The following TMEM108 variants were observed in gnomAD, a reference collection of about 807,000 sequenced individuals.
The protein encoded by TMEM108 is transmembrane protein 108.
A neutral mutation model predicts 35.1 loss-of-function variants in TMEM108; 12 were observed. The observed-to-expected ratio is 0.34, with a 90% CI of 0.22 to 0.55. The LOEUF (loss-of-function observed/expected upper bound fraction) is 0.55, where lower values mean the gene tolerates loss of function less well. TMEM108 is among the 20% of genes least tolerant of loss of function. The pLI is 0.89. For missense variants in TMEM108, 680 were observed against 753.3 expected (o/e 0.90, Z 1.14); for synonymous variants, 287 against 308.6 (o/e 0.93, Z 0.73).
chr3:133,221,780 T>G (rs996268230), intron 2 of TMEM108, among the ~76,000 whole-genome samples: 1 of 150,268 alleles, frequency 6.7e-6, no homozygotes, highest in Non-Finnish European at 1.5e-5. Flanking sequence ...GATAACAACT[T>G]AACTTTGATT....
At chr3:133,167,529 C>G (rs1945059958) in intron 2 of TMEM108, among the ~76,000 whole-genome samples, 1 of 152,254 alleles carries the variant, frequency 6.6e-6, no homozygotes, top group African/African-American at 2.4e-5. Context: ...GGTCCCAAGC[C>G]CTGCCCCGCG....
At chr3:133,105,122 C>G (rs1944134083) in intron 2 of TMEM108, among the ~76,000 whole-genome samples, 1 of 152,188 alleles carries the variant, frequency 6.6e-6, no homozygotes, top group Non-Finnish European at 1.5e-5. Flanking sequence ...TCACAGTTCT[C>G]TAGGTCAGAA....
chr3:133,386,638 T>G (rs2073154461), intron 4 of TMEM108: 1 of 1,418,476 alleles, frequency 7.0e-7, no homozygotes. Context: ...CTCCAGAGTC[T>G]TGATGGCTAC....
At chr3:133,084,650 G>A (rs2107701122) in intron 2 of TMEM108, among the ~76,000 whole-genome samples, 1 of 152,202 alleles carries the variant, frequency 6.6e-6, no homozygotes, top group Middle Eastern at 3.4e-3. Context: ...GTTTACTATG[G>A]TCCAGGCACT....
At chr3:133,043,775 A>T (rs921875837) in intron 1 of TMEM108, among the ~76,000 whole-genome samples, 2 of 151,678 alleles carry the variant, frequency 1.3e-5, no homozygotes, top group African/African-American at 4.8e-5. Flanking sequence ...GCTAGGAATT[A>T]AAAAAAAATC....
At chr3:133,285,019 T>TGAA (rs1183806529) in intron 3 of TMEM108, among the ~76,000 whole-genome samples, 1 of 152,174 alleles carries the variant, frequency 6.6e-6, no homozygotes, top group Non-Finnish European at 1.5e-5. Flanking sequence ...TATAATTTCT[T>TGAA]TTTTCAAGTG....
At chr3:133,386,242 C>T (rs1183099157) in intron 4 of TMEM108, among the ~76,000 whole-genome samples, 1 of 152,220 alleles carries the variant, frequency 6.6e-6, no homozygotes, top group African/African-American at 2.4e-5. Context: ...ATCTTAGCAT[C>T]TGCCATGGAG....
At chr3:133,060,531 T>C (rs1186897724) in intron 2 of TMEM108, among the ~76,000 whole-genome samples, 1 of 152,232 alleles carries the variant, frequency 6.6e-6, no homozygotes, top group Non-Finnish European at 1.5e-5. Flanking sequence ...GGACTGTTTG[T>C]ATACCCCCCA....
In TMEM108 at chr3:133,395,818, T is replaced by G. The variant is rs377689023; in HGVS notation, c.1606-46T>G. The G allele has an allele frequency of 2.2e-4, 331 of 1,490,742 alleles. No homozygotes were observed. The African/African-American group carries it at 4.3e-3, about 19-fold the overall frequency. The allele number at this position is 1,490,742 out of a possible 1,614,324, so 92.3% of individuals were successfully genotyped here. A position where few individuals can be genotyped will look rare whatever the true frequency, so the allele number is the denominator to read the frequency against. ...ACATTTCTTTAAGAATGGCCACCTC[T>G]TAAGCCTTCTCCAGCTCACTCCATC... On this transcript the variant is annotated intron_variant, in intron 5 of 5. Coordinates refer to ENST00000321871, the MANE Select transcript of TMEM108 (RefSeq NM_023943.4).
intron 3 of TMEM108, among the ~76,000 whole-genome samples, chr3:133,278,532 C>A (rs1946868297): frequency 6.6e-6 from 1 of 152,166 alleles, no homozygotes; most frequent in African/African-American, 2.4e-5. Flanking sequence ...TACTACACAC[C>A]TACGCTCTAT....
At chr3:133,153,599 C>G (rs1331156670) in intron 2 of TMEM108, among the ~76,000 whole-genome samples, 2 of 152,148 alleles carry the variant, frequency 1.3e-5, no homozygotes, top group African/African-American at 4.8e-5. Context: ...TTTATTCAGA[C>G]TCTGGTGCTA....
chr3:133,134,534 T>C (rs1284543001), intron 2 of TMEM108, among the ~76,000 whole-genome samples: 2 of 151,422 alleles, frequency 1.3e-5, no homozygotes, highest in East Asian at 1.9e-4. Context: ...TCCTGAGTAA[T>C]AGGGGTGCTT....
chr3:133,108,292 C>G (rs930256428), intron 2 of TMEM108, among the ~76,000 whole-genome samples: 1 of 152,034 alleles, frequency 6.6e-6, no homozygotes. Flanking sequence ...TTTTTCCTGA[C>G]TTTTTAATGA....
intron 3 of TMEM108, among the ~76,000 whole-genome samples, chr3:133,276,568 C>G (rs889468765): frequency 5.9e-5 from 9 of 152,152 alleles, no homozygotes; most frequent in Non-Finnish European, 8.8e-5. Flanking sequence ...TAGCCACATA[C>G]CAATTATGTA....
intron 3 of TMEM108, among the ~76,000 whole-genome samples, chr3:133,314,042 C>G (rs2071166897): frequency 6.6e-6 from 1 of 152,052 alleles, no homozygotes; most frequent in African/African-American, 2.4e-5. Flanking sequence ...ATTAATATCT[C>G]TAGTCAAAAA....
intron 5 of TMEM108, 99 bp downstream of exon 5, chr3:133,390,433 AT>A: frequency 1.5e-6 from 2 of 1,343,404 alleles, no homozygotes; most frequent in Non-Finnish European, 2.1e-6. Context: ...TCCTTAACGT[AT>A]GGCCCATGGA....
chr3:133,315,827 T>G lies in TMEM108; in HGVS notation c.41-63925T>G, dbSNP rs182106176. On this transcript the variant is annotated intron_variant, in intron 3 of 5. Coordinates refer to ENST00000321871, the MANE Select transcript of TMEM108 (RefSeq NM_023943.4). ...ACAAATACTTGTTTGCAAAATCACT[T>G]TATTTTATATTATAGATTAACATTA... 2.3e-3 allele frequency among the ~76,000 whole-genome samples: 343 copies of G among 152,376 alleles called. 2 individuals are homozygous for G. Among genetic ancestry groups the G allele is most frequent in the African/African-American group, 8.0e-3 (334 of 41,588 alleles).
At chr3:133,139,528 A>G (rs1944613460) in intron 2 of TMEM108, among the ~76,000 whole-genome samples, 1 of 152,244 alleles carries the variant, frequency 6.6e-6, no homozygotes, top group African/African-American at 2.4e-5. Flanking sequence ...TTCAGTTATC[A>G]TTTGATGTAC....
intron 2 of TMEM108, among the ~76,000 whole-genome samples, chr3:133,082,226 G>T (rs1031502924): frequency 6.6e-6 from 1 of 152,200 alleles, no homozygotes; most frequent in Non-Finnish European, 1.5e-5. Context: ...GGCTTCTCTG[G>T]AGTTTACAGT....
Sources: gnomAD v4.1 joint callset for allele counts (sites outside exome capture counted in the v4.1 genomes callset) on GRCh38, gnomAD v4.1.1 for gene constraint, MANE v1.5 for transcripts, NCBI Gene and HGNC (gene_info 2026-07-23, HGNC 2026-07-21) for gene names.